The following MED12L variants were observed in gnomAD, a reference collection of about 807,000 sequenced individuals.
The protein encoded by MED12L is mediator of RNA polymerase II transcription subunit 12-like protein.
MED12L carries 60 observed loss-of-function variants against 281.3 expected under a neutral mutation model. The observed-to-expected ratio is 0.21, with a 90% confidence interval of 0.17 to 0.26. The LOEUF is 0.26. Among genes scored for constraint, MED12L ranks in the 10% least tolerant of loss-of-function variants. MED12L has a pLI of 1.00. For synonymous variants in MED12L, 974 were observed against 987.2 expected, an observed-to-expected ratio of 0.99 and a Z score of 0.25; for missense variants, 2,146 against 2,680.9, an observed-to-expected ratio of 0.80 and a Z score of 4.41.
At chr3:151,313,622 G>A (rs1747838552) in intron 16 of MED12L, among the ~76,000 whole-genome samples, 1 of 152,040 alleles carries the variant, frequency 6.6e-6, no homozygotes, top group African/African-American at 2.4e-5. Flanking sequence ...GAGATGGGTG[G>A]ATCACCGGGT....
intron 11 of MED12L, among the ~76,000 whole-genome samples, chr3:151,169,179 G>A (rs149095001): frequency 0.017 from 2,555 of 146,170 alleles, 58 homozygotes; most frequent in African/African-American, 0.055. Flanking sequence ...GTGCAGTGGC[G>A]TGATCTTGGC....
Position 151,436,224 on chromosome 3 carries a change from AAAAT to A in MED12L, c.*3421_*3424del. The A allele has an allele frequency of 6.5e-6, 1 of 153,874 alleles. No individual in the cohort carries two copies. Among genetic ancestry groups the A allele is most frequent in the South Asian group, 2.0e-4 (1 of 4,944 alleles). The allele number at this position is 153,874 out of a possible 1,614,324, so 9.5% of individuals were successfully genotyped here. ...CTTATTTTCTGTAGGTTTTAGCAAA[AAAAT>A]TTATAAACCACAAAATATTTATACA... On this transcript the variant is annotated 3_prime_UTR_variant, in exon 45 of 45. Coordinates refer to ENST00000687756, the MANE Select transcript of MED12L (RefSeq NM_001393769.1).
At chr3:151,165,620 A>G (rs1720619726) in intron 10 of MED12L, 101 bp downstream of exon 10, 1 of 1,062,644 alleles carries the variant, frequency 9.4e-7, no homozygotes, top group African/African-American at 1.6e-5. Context: ...CAGCTTTTTG[A>G]CAGAGCCACT....
chr3:151,161,018 T>G (rs1213465034), intron 8 of MED12L, among the ~76,000 whole-genome samples: 1 of 152,168 alleles, frequency 6.6e-6, no homozygotes, highest in East Asian at 1.9e-4. Context: ...GGACATACAT[T>G]ATAAACTCTG....
At chr3:151,189,174 G>C (rs1255780898) in intron 13 of MED12L, among the ~76,000 whole-genome samples, 2 of 152,172 alleles carry the variant, frequency 1.3e-5, no homozygotes, top group African/African-American at 4.8e-5. Flanking sequence ...TGGGGAGGAG[G>C]AAGATGCTTG....
At chr3:151,149,580 G>A (rs1388645110) in intron 5 of MED12L, among the ~76,000 whole-genome samples, 2 of 152,124 alleles carry the variant, frequency 1.3e-5, no homozygotes, top group Non-Finnish European at 2.9e-5. Context: ...GCTGGAGGTT[G>A]GGGGTGGATG....
chr3:151,426,822 T>G (rs1178562014), intron 43 of MED12L, among the ~76,000 whole-genome samples: 1 of 5,356 alleles, frequency 1.9e-4, no homozygotes. Flanking sequence ...TGGTTTTACT[T>G]TTTTTTTTTT....
intron 16 of MED12L, among the ~76,000 whole-genome samples, chr3:151,282,735 G>A (rs1395319163): frequency 1.3e-5 from 2 of 152,290 alleles, no homozygotes; most frequent in African/African-American, 2.4e-5. Flanking sequence ...GTGGAGGAGC[G>A]CGTAATGTCG....
intron 16 of MED12L, among the ~76,000 whole-genome samples, chr3:151,283,200 A>G (rs1454323732): frequency 6.6e-6 from 1 of 152,244 alleles, no homozygotes; most frequent in African/African-American, 2.4e-5. Flanking sequence ...GCAGTTCACA[A>G]AACCTCACTT....
chr3:151,293,345 G>A (rs949183290), intron 16 of MED12L, among the ~76,000 whole-genome samples: 2 of 152,100 alleles, frequency 1.3e-5, no homozygotes, highest in African/African-American at 2.4e-5. Context: ...CAGCAAACAC[G>A]CCTTCACTCC....
chr3:151,329,405 T>C, intron 16 of MED12L: 1 of 902,906 alleles, frequency 1.1e-6, no homozygotes, highest in Non-Finnish European at 1.7e-6. Context: ...ATATTAACTT[T>C]AAAGCACCTT....
intron 2 of MED12L, among the ~76,000 whole-genome samples, chr3:151,095,029 C>T (rs16863149): frequency 0.021 from 3,269 of 152,310 alleles, 113 homozygotes; most frequent in East Asian, 0.17. Flanking sequence ...TCCAGCTCCA[C>T]GACTTGAACA....
intron 16 of MED12L, among the ~76,000 whole-genome samples, chr3:151,243,221 A>G (rs1243808928): frequency 1.3e-5 from 2 of 152,126 alleles, no homozygotes; most frequent in Admixed American, 1.3e-4. Context: ...AACTTCCCCA[A>G]TCTAGCAAGG....
intron 9 of MED12L, among the ~76,000 whole-genome samples, chr3:151,165,152 A>G (rs1055436369): frequency 3.3e-5 from 5 of 152,186 alleles, no homozygotes; most frequent in Non-Finnish European, 5.9e-5. Flanking sequence ...TCACCTTTCC[A>G]CGTGGTGTCC....
At chr3:151,147,415 G>A (rs954841356) in intron 5 of MED12L, among the ~76,000 whole-genome samples, 1 of 152,006 alleles carries the variant, frequency 6.6e-6, no homozygotes, top group Non-Finnish European at 1.5e-5. Flanking sequence ...TAAAGTCTAC[G>A]GTCAGTGTTT....
At chr3:151,371,504 T>G (rs1004816047) in intron 26 of MED12L, among the ~76,000 whole-genome samples, 2 of 152,228 alleles carry the variant, frequency 1.3e-5, no homozygotes, top group Non-Finnish European at 2.9e-5. Flanking sequence ...TTGAAATACA[T>G]TATTTATTCC....
At chr3:151,161,173 G>T (rs1325164053) in intron 8 of MED12L, among the ~76,000 whole-genome samples, 1 of 152,206 alleles carries the variant, frequency 6.6e-6, no homozygotes, top group Non-Finnish European at 1.5e-5. Context: ...GTGGGAGTGG[G>T]GAGGTAGGAA....
chr3:151,319,157 A>C (rs1188048452), intron 16 of MED12L, among the ~76,000 whole-genome samples: 1 of 152,220 alleles, frequency 6.6e-6, no homozygotes, highest in Admixed American at 6.5e-5. Context: ...ACATTCCAAA[A>C]GGGAAGTAAT....
intron 16 of MED12L, among the ~76,000 whole-genome samples, chr3:151,245,942 G>T (rs1400866723): frequency 6.6e-6 from 1 of 151,220 alleles, no homozygotes; most frequent in African/African-American, 2.4e-5. Flanking sequence ...CAAAATCAAT[G>T]TACAAAAATC....
Sources: allele counts gnomAD v4.1 joint callset (sites outside exome capture counted in the v4.1 genomes callset), GRCh38; gene constraint gnomAD v4.1.1; transcripts MANE v1.5; gene names NCBI Gene and HGNC (gene_info 2026-07-23, HGNC 2026-07-21).